CAB39: variants seen among roughly 807,000 people sequenced by gnomAD.
CAB39 encodes calcium-binding protein 39.
CAB39 carries 8 observed loss-of-function variants against 40.0 expected under a neutral mutation model. That is an observed-to-expected ratio of 0.20 (90% confidence interval 0.12 to 0.36). The LOEUF is 0.36. Among genes scored for constraint, CAB39 ranks in the 10% least tolerant of loss-of-function variants. CAB39 has a pLI of 1.00. For missense variants in CAB39, 270 were observed against 401.1 expected, an observed-to-expected ratio of 0.67 and a Z score of 2.79; for synonymous variants, 156 against 141.6, an observed-to-expected ratio of 1.10 and a Z score of -0.72.
At chr2:230,811,377 C>G (rs527622679) in intron 6 of CAB39, among the ~76,000 whole-genome samples, 3 of 152,276 alleles carry the variant, frequency 2.0e-5, no homozygotes, top group East Asian at 3.9e-4. Context: ...GCACACAAGT[C>G]CTTCATAAGT....
chr2:230,773,966 G>T (rs1288252662), intron 2 of CAB39, among the ~76,000 whole-genome samples: 1 of 152,088 alleles, frequency 6.6e-6, no homozygotes, highest in Non-Finnish European at 1.5e-5. Flanking sequence ...TTCAAGCTTT[G>T]CACTGTTGAC....
At chr2:230,800,013 A>ACG (rs1006255221) in intron 5 of CAB39, among the ~76,000 whole-genome samples, 2 of 151,916 alleles carry the variant, frequency 1.3e-5, no homozygotes, top group Non-Finnish European at 2.9e-5. Context: ...AAATGTATAC[A>ACG]CGCACACACA....
Position 230,726,338 on chromosome 2 carries a change from A to AT in CAB39, c.-44+13119dup, listed in dbSNP as rs796252084. Among the ~76,000 whole-genome samples the AT allele has an allele frequency of 2.6e-4, 37 of 141,894 alleles. 1 individual carries two copies. The Middle Eastern group carries it at 0.015, about 56-fold the overall frequency. The allele number at this position is 141,894 out of a possible 152,430, so 93.1% of individuals were successfully genotyped here. ...CTACCATGCCCGGCTAATTTTTTGT[A>AT]TTTTTTTTTTTCCAGTAGAGATGGG... On this transcript the variant is annotated intron_variant, in intron 1 of 8. Coordinates refer to ENST00000258418, the MANE Select transcript of CAB39 (RefSeq NM_016289.4).
At chr2:230,804,237 A>G (rs1354109020) in intron 5 of CAB39, among the ~76,000 whole-genome samples, 1 of 152,234 alleles carries the variant, frequency 6.6e-6, no homozygotes, top group East Asian at 1.9e-4. Context: ...TACACCTTAT[A>G]CAAAACTTAA....
At chr2:230,772,182 T>G (rs1318792840) in intron 2 of CAB39, among the ~76,000 whole-genome samples, 1 of 152,190 alleles carries the variant, frequency 6.6e-6, no homozygotes, top group African/African-American at 2.4e-5. Context: ...GATAAAAGAC[T>G]GCATCTAGAA....
At chr2:230,766,309 G>T (rs555392505) in intron 2 of CAB39, among the ~76,000 whole-genome samples, 31 of 152,172 alleles carry the variant, frequency 2.0e-4, no homozygotes, top group African/African-American at 6.8e-4. Context: ...GGAAATTATT[G>T]TAGAGGTATT....
At chr2:230,728,714 A>G (rs1029332951) in intron 1 of CAB39, among the ~76,000 whole-genome samples, 15 of 152,258 alleles carry the variant, frequency 9.9e-5, no homozygotes, top group Middle Eastern at 3.4e-3. Context: ...GGCTTAAGCA[A>G]TCCTCCTGCC....
intron 1 of CAB39, among the ~76,000 whole-genome samples, chr2:230,717,914 C>T (rs201136053): frequency 1.3e-5 from 2 of 152,148 alleles, no homozygotes; most frequent in East Asian, 3.9e-4. Context: ...TGAAGTGGCT[C>T]CAAAGGAGGG....
chr2:230,802,114 C>G (rs1038185392), intron 5 of CAB39, among the ~76,000 whole-genome samples: 9 of 152,076 alleles, frequency 5.9e-5, no homozygotes, highest in Admixed American at 5.9e-4. Flanking sequence ...TTCTGCCACT[C>G]AAAACCACAC....
At chr2:230,792,274 T>C (rs531514728) in intron 3 of CAB39, among the ~76,000 whole-genome samples, 2 of 152,334 alleles carry the variant, frequency 1.3e-5, no homozygotes, top group Admixed American at 1.3e-4. Context: ...TTCTCCTTTG[T>C]CTGCCTCCAC....
chr2:230,733,065 CTT>C (rs1450671931), intron 1 of CAB39, among the ~76,000 whole-genome samples: 2 of 152,122 alleles, frequency 1.3e-5, no homozygotes, highest in Non-Finnish European at 2.9e-5. Context: ...GGTGCTCTGT[CTT>C]TGCTAGATTG....
At position 230,745,500 on chromosome 2, in the gene CAB39, C is replaced by T. The variant is rs889058009; in HGVS notation, c.-43-14459C>T. 5.1e-4 allele frequency among the ~76,000 whole-genome samples: 77 copies of T among 152,290 alleles called. 1 individual carries two copies. The highest frequency in any genetic ancestry group is 1.7e-3 in the African/African-American group (69 of 41,572). ...GACTTGGTTGGGACTGGGAGGTACT[C>T]TCTATGCAGCATATATCTGAGATTT... is the stretch of plus-strand genomic sequence containing the variant. On this transcript the variant is annotated intron_variant, in intron 1 of 8. Coordinates refer to ENST00000258418, the MANE Select transcript of CAB39 (RefSeq NM_016289.4).
rs1183637368 is a variant in CAB39, at chr2:230,793,341, A to G, written c.398+10A>G. The G allele has an allele frequency of 7.6e-7, 1 of 1,317,780 alleles. No individual in the cohort carries two copies. Among genetic ancestry groups the G allele is most frequent in the Non-Finnish European group, 1.0e-6 (1 of 953,086 alleles). The allele number at this position is 1,317,780 out of a possible 1,614,324, so 81.6% of individuals were successfully genotyped here. ...TCATGTTATTGAAAGGGTATGTACA[A>G]TGTAATAAAATTTGTATTCTCAGTT... On this transcript the variant is annotated intron_variant, in intron 4 of 8. Coordinates refer to ENST00000258418, the MANE Select transcript of CAB39 (RefSeq NM_016289.4).
At chr2:230,759,295 G>C (rs1370449384) in intron 1 of CAB39, among the ~76,000 whole-genome samples, 12 of 152,156 alleles carry the variant, frequency 7.9e-5, no homozygotes, top group Admixed American at 7.9e-4. Flanking sequence ...ATTCAGGGCA[G>C]CCCACTGGGG....
chr2:230,721,734 A>C (rs1398548231), intron 1 of CAB39, among the ~76,000 whole-genome samples: 1 of 152,170 alleles, frequency 6.6e-6, no homozygotes, highest in East Asian at 1.9e-4. Context: ...ACAGAGTTTT[A>C]TTTTTGATGG....
At chr2:230,729,184 T>C (rs771529585) in intron 1 of CAB39, among the ~76,000 whole-genome samples, 4 of 152,200 alleles carry the variant, frequency 2.6e-5, no homozygotes, top group Non-Finnish European at 5.9e-5. Context: ...CCTTGGGCGG[T>C]TTGCACCAGC....
At chr2:230,799,028 GTT>G (rs1696038956) in intron 5 of CAB39, 131 bp downstream of exon 5, 4 of 658,038 alleles carry the variant, frequency 6.1e-6, no homozygotes, top group Non-Finnish European at 1.0e-5. Flanking sequence ...TTTTGTATAT[GTT>G]TGTGTGATAG....
chr2:230,734,748 T>C (rs1263519030), intron 1 of CAB39, among the ~76,000 whole-genome samples: 1 of 152,114 alleles, frequency 6.6e-6, no homozygotes, highest in Admixed American at 6.5e-5. Context: ...ACAGGTATCA[T>C]GAAGGCCTGA....
chr2:230,809,597 A>G (rs1696269143), intron 5 of CAB39, among the ~76,000 whole-genome samples: 1 of 152,172 alleles, frequency 6.6e-6, no homozygotes, highest in Non-Finnish European at 1.5e-5. Context: ...CCTGGCACTT[A>G]GTAAATATTT....
Sources: gnomAD v4.1 joint callset for allele counts (sites outside exome capture counted in the v4.1 genomes callset) on GRCh38, gnomAD v4.1.1 for gene constraint, MANE v1.5 for transcripts, NCBI Gene and HGNC (gene_info 2026-07-23, HGNC 2026-07-21) for gene names.